Variants in TNPO1 observed in about 807,000 individuals in gnomAD.
TNPO1 encodes the protein transportin-1.
In TNPO1, 8 loss-of-function variants were observed where a neutral mutation model predicts 119.5. That is an observed-to-expected ratio of 0.07 (90% CI 0.04 to 0.12). The LOEUF is 0.12. TNPO1 is among the 10% of genes least tolerant of loss of function. The pLI, the probability that TNPO1 is intolerant of heterozygous loss-of-function variation, is 1.00. For missense variants in TNPO1, 576 were observed against 1,089.8 expected (o/e 0.53, Z 6.64); for synonymous variants, 362 against 363.0 (o/e 1.00, Z 0.03).
intron 10 of TNPO1, 70 bp downstream of exon 10, chr5:72,882,597 C>A: frequency 9.1e-7 from 1 of 1,099,740 alleles, no homozygotes; most frequent in Non-Finnish European, 1.3e-6. Context: ...TGGATTTGGC[C>A]AATAAAACAT....
intron 19 of TNPO1, 84 bp downstream of exon 19, chr5:72,896,640 C>T (rs772844443): frequency 8.7e-6 from 9 of 1,037,194 alleles, no homozygotes; most frequent in African/African-American, 1.6e-5. Flanking sequence ...GAGGCTGAGG[C>T]GGGCAGATCA....
rs1020483031 is a variant in TNPO1 at position 72,910,112 on chromosome 5, A to G, written c.*1439A>G. On this transcript the variant is annotated 3_prime_UTR_variant, in exon 25 of 25. Coordinates refer to ENST00000337273, the MANE Select transcript of TNPO1 (RefSeq NM_002270.4). Reference sequence around the variant, plus strand: ...TTGTTCAAAGCATGATCTTAAAGATATGTTTAAGTTAATGGATGTAATGCA... The same window carrying G: ...TTGTTCAAAGCATGATCTTAAAGATGTGTTTAAGTTAATGGATGTAATGCA... 9 of 152,604 alleles carry G rather than the reference A, an allele frequency of 5.9e-5. No homozygotes were observed. The highest frequency in any genetic ancestry group is 2.6e-4 in the Admixed American group (4 of 15,274). 9.5% of individuals were successfully genotyped at this position (152,604 alleles called of 1,614,324 possible). A position where few individuals can be genotyped will look rare whatever the true frequency, so the allele number is the denominator to read the frequency against.
In TNPO1 at chr5:72,891,887, T is replaced by G. The variant is rs555662972; in HGVS notation, c.1779T>G (p.Pro593=). 2 of 1,610,792 alleles carry G rather than the reference T, an allele frequency of 1.2e-6. No individual in the cohort carries two copies. The highest frequency in any genetic ancestry group is 1.7e-6 in the Non-Finnish European group (2 of 1,178,488). Residue 593 remains proline, a synonymous_variant, in exon 15 of 25, where the codon CCT becomes CCG. Transcript: ENST00000337273. ...AGGATGAAGATAAAGATCTCTTCCC[T>G]TTACTTGAGGTATGCAGGGCTAGTA... is the stretch of plus-strand genomic sequence containing the variant. ...MLKDEDKDLF[P]LLECLSSVAT...
intron 24 of TNPO1, among the ~76,000 whole-genome samples, chr5:72,906,275 CTTTTTTTTTTTTTTTTTTTTTTT>C (rs869051297): frequency 5.5e-5 from 3 of 54,698 alleles, no homozygotes; most frequent in East Asian, 6.8e-4. Context: ...TTTTTTTTTT[CTTTTTTTTTTTTTTTTTTTTTTT>C]TTTTTTTTTT....
chr5:72,886,128 A>G (rs1748608166), intron 11 of TNPO1, among the ~76,000 whole-genome samples: 1 of 151,656 alleles, frequency 6.6e-6, no homozygotes, highest in Admixed American at 6.6e-5. Flanking sequence ...CTTCAGGAAC[A>G]CGTTCCTACC....
Position 72,865,622 on chromosome 5 carries a change from T to C in TNPO1, c.489T>C (p.Ile163=). ...GAGCATTTGGTGCCCTTCAGAAGAT[T>C]TGTGAAGATTCTGCTGAGATTTTAG... ...CEGAFGALQK[I]CEDSAEILDS... The change falls in exon 6 of 25, where the codon ATT becomes ATC. Residue 163 remains isoleucine, a synonymous_variant. Coordinates refer to ENST00000337273, the MANE Select transcript of TNPO1 (RefSeq NM_002270.4). The C allele has an allele frequency of 1.9e-6, 3 of 1,612,712 alleles. No individual in the cohort carries two copies. The South Asian group carries it at 3.3e-5, about 18-fold the overall frequency.
At position 72,839,692 on chromosome 5, in the gene TNPO1, A is replaced by G. The variant is rs139795253; in HGVS notation, c.16-8693A>G. On this transcript the variant is annotated intron_variant, in intron 1 of 24. Transcript: ENST00000337273. ...CTTTTTCTGTTTTCTGTTATTTCTA[A>G]TACAGCTAGAACACCGCTGCTTATT... Among the ~76,000 whole-genome samples the G allele has an allele frequency of 1.4e-3, 208 of 152,258 alleles. 2 individuals are homozygous for G. Among genetic ancestry groups the G allele is most frequent in the African/African-American group, 4.9e-3 (205 of 41,544 alleles).
At chr5:72,816,849 G>A (rs974629370) in intron 1 of TNPO1, 97 bp downstream of exon 1, 10 of 1,406,744 alleles carry the variant, frequency 7.1e-6, no homozygotes, top group African/African-American at 1.5e-5. Flanking sequence ...GAGACGCCGG[G>A]CTCGCCCGCT....
rs1035480917 is a variant in TNPO1 at position 72,913,032 on chromosome 5, G to T, written c.*4359G>T. On this transcript the variant is annotated 3_prime_UTR_variant, in exon 25 of 25. Transcript: ENST00000337273. ...CTACTAGTGTTGTTAATGAAGTATAGGCCTTGGAACATTTAAGAAAACTGG... is the reference window on the plus strand; with the variant it reads ...CTACTAGTGTTGTTAATGAAGTATATGCCTTGGAACATTTAAGAAAACTGG... 5.9e-5 allele frequency: 9 copies of T among 152,446 alleles called. No homozygotes were observed. Among genetic ancestry groups the T allele is most frequent in the African/African-American group, 2.2e-4 (9 of 41,402 alleles). 9.4% of individuals were successfully genotyped at this position (152,446 alleles called of 1,614,324 possible).
chr5:72,835,480 C>A (rs1322503221), intron 1 of TNPO1, among the ~76,000 whole-genome samples: 1 of 152,094 alleles, frequency 6.6e-6, no homozygotes, highest in African/African-American at 2.4e-5. Context: ...TTGCTGCATC[C>A]CCACATGGAC....
At chr5:72,904,861 G>A (rs1750032889) in intron 23 of TNPO1, among the ~76,000 whole-genome samples, 1 of 152,082 alleles carries the variant, frequency 6.6e-6, no homozygotes, top group South Asian at 2.1e-4. Context: ...GGTTTAATTC[G>A]ACTCACAGTT....
At chr5:72,887,256 G>T (rs887567144) in intron 12 of TNPO1, 34 bp downstream of exon 12, 2 of 1,174,960 alleles carry the variant, frequency 1.7e-6, no homozygotes, top group South Asian at 2.5e-5. Flanking sequence ...TATGTAAGTT[G>T]GCTTCTTACT....
chr5:72,864,639 T>C (rs1746744638), intron 5 of TNPO1, among the ~76,000 whole-genome samples: 1 of 152,180 alleles, frequency 6.6e-6, no homozygotes, highest in Admixed American at 6.5e-5. Context: ...GACAGAGTTT[T>C]GCTTTGTCAC....
At chr5:72,847,033 A>G (rs1745160385) in intron 1 of TNPO1, among the ~76,000 whole-genome samples, 1 of 152,126 alleles carries the variant, frequency 6.6e-6, no homozygotes, top group African/African-American at 2.4e-5. Flanking sequence ...GATGGTGGTG[A>G]TTTTGTTTTG....
chr5:72,855,685 C>T (rs552782122), intron 3 of TNPO1, 89 bp from the exon 4 acceptor site: 99 of 1,122,354 alleles, frequency 8.8e-5, no homozygotes, highest in Middle Eastern at 6.2e-4. Context: ...TGTCAATCAA[C>T]TTTTGAATAT....
intron 1 of TNPO1, among the ~76,000 whole-genome samples, chr5:72,847,792 A>G (rs1029674931): frequency 3.3e-5 from 5 of 152,148 alleles, no homozygotes; most frequent in Non-Finnish European, 7.3e-5. Flanking sequence ...AATATTTTAG[A>G]CTTTTTAGTG....
chr5:72,855,689 TGAATA>T, intron 3 of TNPO1, 80 bp from the exon 4 acceptor site: 1 of 1,150,820 alleles, frequency 8.7e-7, no homozygotes, highest in Non-Finnish European at 1.2e-6. Context: ...AATCAACTTT[TGAATA>T]TAAATGTTTT....
chr5:72,859,229 A>G (rs560540903), intron 4 of TNPO1, among the ~76,000 whole-genome samples: 105 of 152,206 alleles, frequency 6.9e-4, no homozygotes, highest in Admixed American at 2.5e-3. Flanking sequence ...AGCACTTGAC[A>G]TTTTGGACTG....
intron 9 of TNPO1, chr5:72,878,648 C>T (rs1327654746): frequency 5.4e-6 from 1 of 186,028 alleles, no homozygotes; most frequent in Admixed American, 6.2e-5. Flanking sequence ...TTAACCTTGC[C>T]CTCGAAATAC....
Sources: allele counts gnomAD v4.1 joint callset (sites outside exome capture counted in the v4.1 genomes callset), GRCh38; gene constraint gnomAD v4.1.1; transcripts MANE v1.5; gene names NCBI Gene and HGNC (gene_info 2026-07-23, HGNC 2026-07-21).